Variants in ATRNL1 observed in about 807,000 individuals in gnomAD.
ATRNL1 encodes the protein attractin-like protein 1.
Under a neutral mutation model 182.7 loss-of-function variants are expected in ATRNL1, and 95 were observed. That is an observed-to-expected ratio of 0.52 (90% CI 0.44 to 0.62). ATRNL1 has a LOEUF of 0.62. Ranked by LOEUF, ATRNL1 falls within the 20% of genes least tolerant of loss-of-function variation. ATRNL1 has a pLI of 0.00. For missense variants in ATRNL1, 1,471 were observed against 1,679.5 expected (o/e 0.88, Z 2.17); for synonymous variants, 576 against 568.3 (o/e 1.01, Z -0.19).
At chr10:115,681,839 T>C (rs1946056292) in intron 26 of ATRNL1, among the ~76,000 whole-genome samples, 1 of 152,152 alleles carries the variant, frequency 6.6e-6, no homozygotes, top group Admixed American at 6.6e-5. Context: ...GAACCACTGC[T>C]CTTGGTTATA....
In ATRNL1 at chr10:115,829,238, T is replaced by A. The variant is rs1555092841; in HGVS notation, c.3904-18639T>A. ...CTTTATCTCTACAGATTATTTCTAC[T>A]TTAGGAAAAGAAAAGGGAAATTTAT... On this transcript the variant is annotated intron_variant, in intron 27 of 28. Coordinates refer to ENST00000355044, the MANE Select transcript of ATRNL1 (RefSeq NM_207303.4). 3.3e-5 allele frequency among the ~76,000 whole-genome samples: 5 copies of A among 152,130 alleles called. No homozygotes were observed. The South Asian group carries it at 1.0e-3, about 32-fold the overall frequency.
chr10:115,802,418 G>A (rs552702975), intron 27 of ATRNL1, among the ~76,000 whole-genome samples: 1 of 152,250 alleles, frequency 6.6e-6, no homozygotes, highest in South Asian at 2.1e-4. Flanking sequence ...CTAACTCTCA[G>A]AAGCATGTCA....
intron 28 of ATRNL1, among the ~76,000 whole-genome samples, chr10:115,914,575 G>A (rs1362578547): frequency 3.3e-5 from 5 of 152,186 alleles, no homozygotes; most frequent in African/African-American, 1.2e-4. Flanking sequence ...ATTTCTGCTG[G>A]TGAGGCAGTC....
intron 21 of ATRNL1, among the ~76,000 whole-genome samples, chr10:115,454,538 G>A (rs1266350974): frequency 6.6e-6 from 1 of 151,950 alleles, no homozygotes; most frequent in African/African-American, 2.4e-5. Flanking sequence ...CCATGAATAT[G>A]GGATGTCATA....
At chr10:115,446,202 T>G (rs145195082) in intron 21 of ATRNL1, among the ~76,000 whole-genome samples, 6 of 152,192 alleles carry the variant, frequency 3.9e-5, no homozygotes, top group Non-Finnish European at 7.4e-5. Context: ...TACACTGAAT[T>G]TTTCTGTGTA....
chr10:115,474,538 G>A (rs540199798), intron 24 of ATRNL1, among the ~76,000 whole-genome samples: 2 of 151,078 alleles, frequency 1.3e-5, no homozygotes, highest in Non-Finnish European at 3.0e-5. Context: ...TAGATGCCTC[G>A]AGTTTAGGGA....
chr10:115,143,285 T>C (rs1845825701), intron 5 of ATRNL1, among the ~76,000 whole-genome samples: 1 of 152,310 alleles, frequency 6.6e-6, no homozygotes, highest in South Asian at 2.1e-4. Flanking sequence ...CCTCTGACTT[T>C]ATAAGATTTT....
At chr10:115,796,197 G>T (rs782566656) in intron 27 of ATRNL1, among the ~76,000 whole-genome samples, 1 of 151,644 alleles carries the variant, frequency 6.6e-6, no homozygotes, top group Non-Finnish European at 1.5e-5. Context: ...CCCTGCTTGG[G>T]ACAGCTTTAA....
intron 19 of ATRNL1, among the ~76,000 whole-genome samples, chr10:115,372,135 C>A (rs967641671): frequency 6.6e-6 from 1 of 152,152 alleles, no homozygotes; most frequent in African/African-American, 2.4e-5. Flanking sequence ...AAATTGCTCC[C>A]AGTCTTGAGT....
At chr10:115,148,190 T>C (rs1846054822) in intron 5 of ATRNL1, among the ~76,000 whole-genome samples, 1 of 152,128 alleles carries the variant, frequency 6.6e-6, no homozygotes, top group Admixed American at 6.6e-5. Context: ...TATTTCTAGG[T>C]ATTTTATTTT....
At chr10:115,238,479 CTAAG>C (rs1446374978) in intron 9 of ATRNL1, among the ~76,000 whole-genome samples, 1 of 151,912 alleles carries the variant, frequency 6.6e-6, no homozygotes, top group Non-Finnish European at 1.5e-5. Flanking sequence ...AGGTTTCTAC[CTAAG>C]TATTTCTCTT....
chr10:115,596,514 A>T (rs1555014021), intron 26 of ATRNL1, among the ~76,000 whole-genome samples: 1 of 152,244 alleles, frequency 6.6e-6, no homozygotes, highest in East Asian at 1.9e-4. Flanking sequence ...ATGGATTATC[A>T]TGAAGAAGTT....
chr10:115,356,790 T>A (rs1465523584), intron 19 of ATRNL1, among the ~76,000 whole-genome samples: 4 of 151,966 alleles, frequency 2.6e-5, no homozygotes, highest in African/African-American at 7.2e-5. Context: ...TGAATAGTGA[T>A]TTTTAGGCCC....
chr10:115,516,251 C>G (rs1405209102), intron 24 of ATRNL1, among the ~76,000 whole-genome samples: 1 of 151,782 alleles, frequency 6.6e-6, no homozygotes, highest in Non-Finnish European at 1.5e-5. Context: ...TATCATCTTT[C>G]CACTTGTTCT....
intron 26 of ATRNL1, among the ~76,000 whole-genome samples, chr10:115,711,762 G>A (rs555559472): frequency 3.0e-4 from 45 of 152,104 alleles, no homozygotes; most frequent in African/African-American, 7.5e-4. Context: ...GAAATTTACC[G>A]CCAACTTATT....
At chr10:115,649,593 T>C (rs1859853895) in intron 26 of ATRNL1, among the ~76,000 whole-genome samples, 1 of 152,144 alleles carries the variant, frequency 6.6e-6, no homozygotes, top group South Asian at 2.1e-4. Context: ...TTGAGTGAGA[T>C]TCTGAACTGT....
chr10:115,933,166 A>C (rs1953456019), intron 28 of ATRNL1, among the ~76,000 whole-genome samples: 1 of 152,208 alleles, frequency 6.6e-6, no homozygotes, highest in Non-Finnish European at 1.5e-5. Context: ...AAACAAACAA[A>C]CAACCAGGCT....
chr10:115,351,563 G>A (rs975213331), intron 19 of ATRNL1, among the ~76,000 whole-genome samples: 2 of 151,828 alleles, frequency 1.3e-5, no homozygotes, highest in Non-Finnish European at 2.9e-5. Context: ...TGTTAAATGC[G>A]CTATGATGTA....
intron 8 of ATRNL1, among the ~76,000 whole-genome samples, chr10:115,173,070 C>T (rs1221542860): frequency 6.6e-6 from 1 of 151,880 alleles, no homozygotes. Flanking sequence ...ACTGAGAAAA[C>T]AGAAGTAATC....
Sources: allele counts gnomAD v4.1 joint callset (sites outside exome capture counted in the v4.1 genomes callset), GRCh38; gene constraint gnomAD v4.1.1; transcripts MANE v1.5; gene names NCBI Gene and HGNC (gene_info 2026-07-23, HGNC 2026-07-21).